The following DPH6 variants were observed in gnomAD, a reference collection of about 807,000 sequenced individuals.
The protein encoded by DPH6 is diphthamine biosynthesis 6.
In DPH6, 33 loss-of-function variants were observed where a neutral mutation model predicts 38.2. That is an observed-to-expected ratio of 0.86 (90% confidence interval 0.65 to 1.15). The LOEUF (loss-of-function observed/expected upper bound fraction) is 1.15. Among genes scored for constraint, DPH6 ranks in the 50% most tolerant of loss-of-function variants. DPH6 has a pLI of 0.00. For synonymous variants in DPH6, 108 were observed against 103.0 expected (o/e 1.05, Z -0.30); for missense variants, 325 against 320.0 (o/e 1.02, Z -0.12).
intron 7 of DPH6, among the ~76,000 whole-genome samples, chr15:35,379,779 T>C (rs2052839593): frequency 6.6e-6 from 1 of 151,990 alleles, no homozygotes; most frequent in South Asian, 2.1e-4. Context: ...ATACCATATA[T>C]AAACAAAAAT....
At chr15:35,391,371 T>C (rs1385366393) in intron 6 of DPH6, among the ~76,000 whole-genome samples, 1 of 152,188 alleles carries the variant, frequency 6.6e-6, no homozygotes, top group Non-Finnish European at 1.5e-5. Context: ...TTCAAATCTG[T>C]CAGACAGGGA....
In DPH6 at chr15:35,523,077, T is replaced by C. The variant is rs183383618; in HGVS notation, c.312+15197A>G. On this transcript the variant is annotated intron_variant, in intron 3 of 8. Coordinates refer to ENST00000256538, the MANE Select transcript of DPH6 (RefSeq NM_080650.4). Reference sequence around the variant, plus strand: ...GGAATTGCTTATTACAGGAGTGTATTTTTTTGTGTTTGATGAGTTTTGCCA... The same window carrying C: ...GGAATTGCTTATTACAGGAGTGTATCTTTTTGTGTTTGATGAGTTTTGCCA... Among the ~76,000 whole-genome samples the C allele has an allele frequency of 2.0e-3, 303 of 152,132 alleles. 1 individual carries two copies. The Middle Eastern group carries it at 0.034, about 17-fold the overall frequency.
Position 35,537,964 on chromosome 15 carries a change from T to C in DPH6, c.312+310A>G, listed in dbSNP as rs1357783988. 3.3e-5 allele frequency: 6 copies of C among 179,544 alleles called. No homozygotes were observed. In the Admixed American group the frequency reaches 3.6e-4, roughly 11 times the overall value. 11.1% of individuals were successfully genotyped at this position (179,544 alleles called of 1,614,324 possible). A position where few individuals can be genotyped will look rare whatever the true frequency, so the allele number is the denominator to read the frequency against. On this transcript the variant is annotated intron_variant, in intron 3 of 8. Transcript: ENST00000256538. Reference sequence around the variant, plus strand: ...GCATATAGTAGGCATTCAAAAAATATTTGTTAATAAAGAGATTAAATGGCC... The same window carrying C: ...GCATATAGTAGGCATTCAAAAAATACTTGTTAATAAAGAGATTAAATGGCC...
intron 3 of DPH6, among the ~76,000 whole-genome samples, chr15:35,221,661 G>A (rs961396588): frequency 6.6e-6 from 1 of 152,170 alleles, no homozygotes; most frequent in Non-Finnish European, 1.5e-5. Flanking sequence ...CCATTGTCTT[G>A]ATGAATAGCA....
At chr15:35,394,850 C>A (rs778463769) in intron 6 of DPH6, among the ~76,000 whole-genome samples, 4 of 152,164 alleles carry the variant, frequency 2.6e-5, no homozygotes, top group Non-Finnish European at 5.9e-5. Context: ...TTATTTTTTA[C>A]TCTTTTCCAG....
chr15:35,200,982 CCTT>C, the DPH6 span, among the ~76,000 whole-genome samples: 15 of 68,802 alleles, frequency 2.2e-4, no homozygotes, highest in African/African-American at 9.1e-4. Flanking sequence ...CAATAATTTC[CCTT>C]TTTTTTTTTT....
intron 3 of DPH6, among the ~76,000 whole-genome samples, chr15:35,318,270 T>C (rs1045320381): frequency 6.6e-6 from 1 of 152,090 alleles, no homozygotes; most frequent in Non-Finnish European, 1.5e-5. Context: ...GTGGAACATG[T>C]AGCAAAAGAA....
intron 3 of DPH6, among the ~76,000 whole-genome samples, chr15:35,477,423 A>G (rs2054276085): frequency 6.6e-6 from 1 of 151,872 alleles, no homozygotes; most frequent in Admixed American, 6.6e-5. Flanking sequence ...GAGGTATACT[A>G]CAAACATAGG....
At chr15:35,179,242 T>C in the DPH6 span, among the ~76,000 whole-genome samples, 2 of 149,874 alleles carry the variant, frequency 1.3e-5, no homozygotes, top group African/African-American at 4.9e-5. Flanking sequence ...AAAAATGTTA[T>C]GTTAACATTT....
At position 35,486,520 on chromosome 15, in the gene DPH6, T is replaced by C. The variant is rs549340842; in HGVS notation, c.313-31700A>G. ...AGAAGGGAAGTGCCACACTTTTAAA[T>C]CATCAGATCTCAAGAGAACTCATGT... On this transcript the variant is annotated intron_variant, in intron 3 of 8. Coordinates refer to ENST00000256538, the MANE Select transcript of DPH6 (RefSeq NM_080650.4). Among the ~76,000 whole-genome samples the C allele has an allele frequency of 2.6e-5, 4 of 151,852 alleles. No homozygotes were observed. In the South Asian group the frequency reaches 8.3e-4, roughly 32 times the overall value.
chr15:35,436,194 C>T (rs1048202640), intron 5 of DPH6, among the ~76,000 whole-genome samples: 16 of 151,968 alleles, frequency 1.1e-4, no homozygotes, highest in Admixed American at 2.6e-4. Flanking sequence ...CTGCTGGGCG[C>T]GGTGGCTCAT....
At chr15:35,360,042 T>C (rs2052600481) in intron 3 of DPH6, among the ~76,000 whole-genome samples, 1 of 152,212 alleles carries the variant, frequency 6.6e-6, no homozygotes, top group Admixed American at 6.5e-5. Flanking sequence ...TTATTGGAGC[T>C]TTATTCATTT....
At chr15:35,453,193 T>C (rs2053957875) in intron 4 of DPH6, among the ~76,000 whole-genome samples, 2 of 152,178 alleles carry the variant, frequency 1.3e-5, no homozygotes, top group African/African-American at 4.8e-5. Context: ...TAATATAACG[T>C]CTGTTCATCT....
chr15:35,430,512 A>G (rs754174336), intron 5 of DPH6, among the ~76,000 whole-genome samples: 2 of 151,066 alleles, frequency 1.3e-5, no homozygotes, highest in African/African-American at 4.9e-5. Flanking sequence ...ATTTATTCTG[A>G]TAAGATCTTT....
At chr15:35,512,044 T>C (rs1216603803) in intron 3 of DPH6, among the ~76,000 whole-genome samples, 14 of 152,156 alleles carry the variant, frequency 9.2e-5, no homozygotes, top group Non-Finnish European at 2.9e-5. Flanking sequence ...CATAAAGTAT[T>C]TTCTATGGGA....
chr15:35,506,599 C>T (rs907963962), intron 3 of DPH6, among the ~76,000 whole-genome samples: 2 of 152,142 alleles, frequency 1.3e-5, no homozygotes, highest in Non-Finnish European at 2.9e-5. Context: ...GAAAGTTGTG[C>T]TGGAATCTCC....
chr15:35,373,530 C>T lies in DPH6; in HGVS notation c.741G>A (p.Leu247=). The T allele has an allele frequency of 6.2e-7, 1 of 1,603,162 alleles. No homozygotes were observed. Among genetic ancestry groups the T allele is most frequent in the Non-Finnish European group, 8.5e-7 (1 of 1,175,074 alleles). Residue 247 remains leucine, a synonymous_variant, in exon 8 of 9, where the codon TTG becomes TTA. Coordinates refer to ENST00000256538, the MANE Select transcript of DPH6 (RefSeq NM_080650.4). ...TCTTAGATTTACTTGCCTTGTCCTCCAAGTGCAATTCTAAAAAGCGTAGAT... is the reference window on the plus strand; with the variant it reads ...TCTTAGATTTACTTGCCTTGTCCTCTAAGTGCAATTCTAAAAAGCGTAGAT... ...VAYLRFLELH[L]EDKVSSVPDN... is the part of the protein sequence containing the mutation.
rs537169009 is a variant in DPH6, at chr15:35,266,632, G to C, written n.201-46050C>G. ...GTTAAGTATTTTGAATATTACTCCT[G>C]GTTGGTATCAAATGTCTAAAGGAGG... On this transcript the variant is annotated intron_variant and non_coding_transcript_variant, in intron 3 of 3. Coordinates refer to the DPH6 transcript ENST00000560386. 1.6e-4 allele frequency among the ~76,000 whole-genome samples: 25 copies of C among 152,220 alleles called. No individual in the cohort carries two copies. In the East Asian group the frequency reaches 3.9e-3, roughly 24 times the overall value.
intron 3 of DPH6, among the ~76,000 whole-genome samples, chr15:35,276,418 G>C (rs1420054765): frequency 6.6e-6 from 1 of 152,204 alleles, no homozygotes; most frequent in Non-Finnish European, 1.5e-5. Context: ...CTTTTGCCAT[G>C]CAAAAGATCT....
Sources: allele counts gnomAD v4.1 joint callset (sites outside exome capture counted in the v4.1 genomes callset), GRCh38; gene constraint gnomAD v4.1.1; transcripts MANE v1.5; gene names NCBI Gene and HGNC (gene_info 2026-07-23, HGNC 2026-07-21).